The following GNB4 variants were observed in gnomAD, a reference collection of about 807,000 sequenced individuals.
GNB4 encodes the protein G protein subunit beta 4.
In GNB4, 28 loss-of-function variants were observed where a neutral mutation model predicts 45.2. The observed-to-expected ratio is 0.62, with a 90% confidence interval of 0.46 to 0.85. The LOEUF is 0.85. Among genes scored for constraint, GNB4 ranks in the 40% least tolerant of loss-of-function variants. The pLI is 0.00. For missense variants in GNB4, 321 were observed against 425.4 expected (o/e 0.75, Z 2.16); for synonymous variants, 132 against 143.7 (o/e 0.92, Z 0.58).
intron 1 of GNB4, among the ~76,000 whole-genome samples, chr3:179,440,076 T>C (rs770803086): frequency 5.9e-5 from 9 of 152,192 alleles, no homozygotes; most frequent in Non-Finnish European, 1.3e-4. Flanking sequence ...CTATATAAAT[T>C]GCAATTTTCT....
intron 1 of GNB4, among the ~76,000 whole-genome samples, chr3:179,448,228 G>C (rs1715786080): frequency 6.6e-6 from 1 of 152,150 alleles, no homozygotes; most frequent in African/African-American, 2.4e-5. Context: ...ATTTCTCCCA[G>C]TGCTGGGATT....
chr3:179,399,204 T>G lies in GNB4; in HGVS notation c.*2009A>C, dbSNP rs1329368402. 2.0e-5 allele frequency: 3 copies of G among 152,122 alleles called. No individual in the cohort carries two copies. Among genetic ancestry groups the G allele is most frequent in the African/African-American group, 7.2e-5 (3 of 41,426 alleles). The allele number at this position is 152,122 out of a possible 1,614,324, so 9.4% of individuals were successfully genotyped here. A position where few individuals can be genotyped will look rare whatever the true frequency, so the allele number is the denominator to read the frequency against. ...ATTAATAGCAAAAGTTCATATAATT[T>G]TTTTTTTTTCCAATTTGAGATGGAG... On this transcript the variant is annotated 3_prime_UTR_variant, in exon 10 of 10. Coordinates refer to ENST00000232564, the MANE Select transcript of GNB4 (RefSeq NM_021629.4).
In GNB4 at chr3:179,415,125, ATAT is replaced by A. The variant is rs987068086; in HGVS notation, c.268-81_268-79del. ...CATAAACCCATTTACAATGAAGTAA[ATAT>A]TATTAAAAATTAAACACATCTAAGA... On this transcript the variant is annotated intron_variant, in intron 5 of 9. Transcript: ENST00000232564. The A allele has an allele frequency of 3.0e-5, 34 of 1,128,240 alleles. No individual in the cohort carries two copies. In the Admixed American group the frequency reaches 4.3e-4, roughly 14 times the overall value. The allele number at this position is 1,128,240 out of a possible 1,614,324, so 69.9% of individuals were successfully genotyped here. A position where few individuals can be genotyped will look rare whatever the true frequency, so the allele number is the denominator to read the frequency against.
the GNB4 span, among the ~76,000 whole-genome samples, chr3:179,459,654 C>T: frequency 6.6e-6 from 1 of 151,444 alleles, no homozygotes; most frequent in Non-Finnish European, 1.5e-5. Flanking sequence ...TGCACTCCAG[C>T]CTGGGCAACA....
At chr3:179,468,035 A>AAAAAAAAAATATAT in the GNB4 span, among the ~76,000 whole-genome samples, 130 of 89,858 alleles carry the variant, frequency 1.4e-3, 7 homozygotes, top group East Asian at 0.018. Context: ...TGTTGATAAA[A>AAAAAAAAAATATAT]ATATATATAT....
At chr3:179,512,756 A>G in the GNB4 span, among the ~76,000 whole-genome samples, 1 of 152,150 alleles carries the variant, frequency 6.6e-6, no homozygotes, top group Non-Finnish European at 1.5e-5. Flanking sequence ...AATGAGCATA[A>G]ATATCTATAG....
At chr3:179,416,406 A>T in intron 5 of GNB4, 87 bp downstream of exon 5, 1 of 728,334 alleles carries the variant, frequency 1.4e-6, no homozygotes, top group Non-Finnish European at 2.3e-6. Context: ...AAAGCAATTT[A>T]AGTTTGAGGT....
chr3:179,517,009 G>A, the GNB4 span, among the ~76,000 whole-genome samples: 6 of 152,088 alleles, frequency 3.9e-5, no homozygotes, highest in South Asian at 4.1e-4. Flanking sequence ...GAGGATCCTC[G>A]CATAGTGAGG....
chr3:179,408,709 T>C (rs1265306133), intron 8 of GNB4, among the ~76,000 whole-genome samples: 1 of 151,926 alleles, frequency 6.6e-6, no homozygotes, highest in Non-Finnish European at 1.5e-5. Context: ...AGAGAATTGC[T>C]TGAACCCGGG....
At chr3:179,456,384 C>T (rs949512086), upstream of GNB4, among the ~76,000 whole-genome samples, 9 of 152,184 alleles carry the variant, frequency 5.9e-5, no homozygotes, top group African/African-American at 2.2e-4. Context: ...CTGCCACAAG[C>T]ACATTTGCTA....
chr3:179,428,329 C>T (rs1715204321), intron 1 of GNB4, among the ~76,000 whole-genome samples: 1 of 152,052 alleles, frequency 6.6e-6, no homozygotes. Flanking sequence ...CTTAACCATT[C>T]CCTGATAAAG....
At chr3:179,431,299 G>A (rs530801931) in intron 1 of GNB4, among the ~76,000 whole-genome samples, 1 of 152,136 alleles carries the variant, frequency 6.6e-6, no homozygotes, top group African/African-American at 2.4e-5. Context: ...GCTCATACCT[G>A]TAATCCCAGC....
chr3:179,526,422 C>A, the GNB4 span, among the ~76,000 whole-genome samples: 372 of 152,302 alleles, frequency 2.4e-3, 6 homozygotes, highest in Middle Eastern at 0.01. Context: ...GGGATTGTTG[C>A]CTTTCTCTAC....
chr3:179,448,572 GTTAATT>G (rs1256932996), intron 1 of GNB4, among the ~76,000 whole-genome samples: 2 of 150,530 alleles, frequency 1.3e-5, no homozygotes, highest in Non-Finnish European at 3.0e-5. Context: ...TCCACATCTT[GTTAATT>G]TTATTTTTGA....
chr3:179,413,126 C>T (rs1002613638), intron 8 of GNB4, among the ~76,000 whole-genome samples: 3 of 151,762 alleles, frequency 2.0e-5, no homozygotes, highest in Non-Finnish European at 4.4e-5. Flanking sequence ...TGCAGTGAGC[C>T]GTGACTGCAC....
chr3:179,465,042 G>T, the GNB4 span: 1 of 1,501,250 alleles, frequency 6.7e-7, no homozygotes, highest in South Asian at 1.1e-5. Context: ...ATATCTTATC[G>T]ATATACTTCC....
intron 1 of GNB4, among the ~76,000 whole-genome samples, chr3:179,442,731 G>A (rs917977659): frequency 1.1e-4 from 17 of 151,588 alleles, no homozygotes; most frequent in Non-Finnish European, 4.4e-5. Flanking sequence ...TGGCTCAAAC[G>A]ATCTCCGACC....
chr3:179,468,044 A>ATATATATATATATATATATATATATATG, the GNB4 span, among the ~76,000 whole-genome samples: 167 of 99,022 alleles, frequency 1.7e-3, 10 homozygotes, highest in South Asian at 2.8e-3. Flanking sequence ...AAATATATAT[A>ATATATATATATATATATATATATATATG]TATATAGAAC....
the GNB4 span, among the ~76,000 whole-genome samples, chr3:179,474,843 C>T: frequency 6.9e-6 from 1 of 144,326 alleles, no homozygotes; most frequent in Admixed American, 7.1e-5. Flanking sequence ...CCTCAAACTC[C>T]AAGGCTCAAG....
Sources: allele counts gnomAD v4.1 joint callset (sites outside exome capture counted in the v4.1 genomes callset), GRCh38; gene constraint gnomAD v4.1.1; transcripts MANE v1.5; gene names NCBI Gene and HGNC (gene_info 2026-07-23, HGNC 2026-07-21).